ATRNL1: variants seen among roughly 807,000 people sequenced by gnomAD.
ATRNL1 encodes attractin-like protein 1.
A neutral mutation model predicts 182.7 loss-of-function variants in ATRNL1; 95 were observed. The ratio of observed to expected loss-of-function variants is 0.52; its 90% confidence interval spans 0.44 to 0.62. The LOEUF is 0.62. Ranked by LOEUF, ATRNL1 falls within the 20% of genes least tolerant of loss-of-function variation. The pLI is 0.00. For synonymous variants in ATRNL1, 576 were observed against 568.3 expected, an observed-to-expected ratio of 1.01 and a Z score of -0.19; for missense variants, 1,471 against 1,679.5, an observed-to-expected ratio of 0.88 and a Z score of 2.17.
chr10:115,604,367 C>T (rs11197342), intron 26 of ATRNL1, among the ~76,000 whole-genome samples: 74,972 of 151,796 alleles, frequency 0.49, 19,430 homozygotes, highest in African/African-American at 0.6. Context: ...ATATCCTTTT[C>T]GAGTTTTCTA....
At chr10:115,517,155 A>C (rs1262226973) in intron 24 of ATRNL1, among the ~76,000 whole-genome samples, 57 of 151,942 alleles carry the variant, frequency 3.8e-4, no homozygotes, top group Non-Finnish European at 7.4e-5. Context: ...TATGCATGTT[A>C]ATAATTTCTT....
intron 27 of ATRNL1, among the ~76,000 whole-genome samples, chr10:115,793,668 G>T (rs1178031162): frequency 6.6e-6 from 1 of 152,100 alleles, no homozygotes; most frequent in Non-Finnish European, 1.5e-5. Context: ...GTTGGCAATT[G>T]ATTCATTCAT....
chr10:115,223,907 G>A (rs1239020356), intron 9 of ATRNL1, among the ~76,000 whole-genome samples: 2 of 61,182 alleles, frequency 3.3e-5, no homozygotes, highest in South Asian at 9.4e-4. Context: ...GTGTGTGTGT[G>A]TGTGTGTATA....
At chr10:115,820,795 C>A (rs1213007141) in intron 27 of ATRNL1, among the ~76,000 whole-genome samples, 1 of 152,094 alleles carries the variant, frequency 6.6e-6, no homozygotes, top group Admixed American at 6.6e-5. Flanking sequence ...CTTTGTGCCT[C>A]AATTTCCTCA....
At chr10:115,645,056 A>G (rs1436761361) in intron 26 of ATRNL1, among the ~76,000 whole-genome samples, 2 of 152,130 alleles carry the variant, frequency 1.3e-5, no homozygotes, top group African/African-American at 2.4e-5. Flanking sequence ...TTATCAAGAT[A>G]CCAAGATTTT....
chr10:115,839,137 T>A (rs750577949), intron 27 of ATRNL1, among the ~76,000 whole-genome samples: 47 of 152,184 alleles, frequency 3.1e-4, no homozygotes, highest in South Asian at 6.2e-4. Flanking sequence ...GATTTACTTT[T>A]ATGATTGAAG....
intron 27 of ATRNL1, among the ~76,000 whole-genome samples, chr10:115,761,277 T>C (rs929725442): frequency 6.6e-6 from 1 of 152,206 alleles, no homozygotes; most frequent in African/African-American, 2.4e-5. Context: ...AATTACACTT[T>C]GTAAGTTTGC....
chr10:115,516,311 C>G (rs575518446), intron 24 of ATRNL1, among the ~76,000 whole-genome samples: 41 of 151,774 alleles, frequency 2.7e-4, no homozygotes, highest in African/African-American at 8.2e-4. Context: ...CTTCATTCAC[C>G]TGTCATATCT....
chr10:115,687,410 T>G (rs145776704), intron 26 of ATRNL1, among the ~76,000 whole-genome samples: 1 of 152,260 alleles, frequency 6.6e-6, no homozygotes, highest in Non-Finnish European at 1.5e-5. Context: ...CATAATGTCC[T>G]CTGGGTACAC....
chr10:115,399,449 G>A (rs12248297), intron 20 of ATRNL1, among the ~76,000 whole-genome samples: 1,985 of 151,998 alleles, frequency 0.013, 39 homozygotes, highest in African/African-American at 0.046. Flanking sequence ...TCTAGTTTAT[G>A]TGCATGGAGG....
chr10:115,397,526 T>G (rs1554955938), intron 20 of ATRNL1, among the ~76,000 whole-genome samples: 1 of 151,978 alleles, frequency 6.6e-6, no homozygotes, highest in African/African-American at 2.4e-5. Context: ...TACCACAATG[T>G]AAGTGTTCAA....
chr10:115,432,268 A>C (rs1037710826), intron 21 of ATRNL1, among the ~76,000 whole-genome samples: 24 of 152,124 alleles, frequency 1.6e-4, no homozygotes, highest in African/African-American at 5.8e-4. Context: ...TTTTAATTCA[A>C]ATCAGTTACT....
chr10:115,445,845 AAAAT>A (rs1846960732), intron 21 of ATRNL1, among the ~76,000 whole-genome samples: 1 of 152,212 alleles, frequency 6.6e-6, no homozygotes, highest in Non-Finnish European at 1.5e-5. Flanking sequence ...TGGACATAAC[AAAAT>A]AAATCAGTCT....
intron 27 of ATRNL1, among the ~76,000 whole-genome samples, chr10:115,794,274 G>T (rs1465542778): frequency 1.3e-5 from 2 of 152,004 alleles, no homozygotes; most frequent in Non-Finnish European, 2.9e-5. Flanking sequence ...AGAGTAATTT[G>T]CCACCTGACA....
At chr10:115,825,934 TG>T (rs1368612111) in intron 27 of ATRNL1, among the ~76,000 whole-genome samples, 1 of 152,142 alleles carries the variant, frequency 6.6e-6, no homozygotes, top group Middle Eastern at 3.2e-3. Flanking sequence ...CCTAGCGCAA[TG>T]GTGCACTGCT....
intron 20 of ATRNL1, among the ~76,000 whole-genome samples, chr10:115,400,584 T>G (rs1165778631): frequency 6.6e-6 from 1 of 152,172 alleles, no homozygotes; most frequent in Non-Finnish European, 1.5e-5. Flanking sequence ...CTTAAGTCTC[T>G]TTGAAGATCT....
At chr10:115,125,299 CAG>C (rs1296643044) in intron 3 of ATRNL1, among the ~76,000 whole-genome samples, 1 of 152,130 alleles carries the variant, frequency 6.6e-6, no homozygotes, top group Non-Finnish European at 1.5e-5. Context: ...AATTGAGACA[CAG>C]AGATTTTCTG....
At chr10:115,177,563 A>T (rs1301002351) in intron 8 of ATRNL1, among the ~76,000 whole-genome samples, 2 of 152,100 alleles carry the variant, frequency 1.3e-5, no homozygotes, top group African/African-American at 2.4e-5. Context: ...TAATCTCTGA[A>T]ATTTTCTTTA....
intron 21 of ATRNL1, among the ~76,000 whole-genome samples, chr10:115,442,063 C>A (rs1846709410): frequency 6.6e-6 from 1 of 152,042 alleles, no homozygotes; most frequent in African/African-American, 2.4e-5. Flanking sequence ...TTTCTTCAGA[C>A]ATTCTCCAAT....
Sources: allele counts gnomAD v4.1 joint callset (sites outside exome capture counted in the v4.1 genomes callset), GRCh38; gene constraint gnomAD v4.1.1; transcripts MANE v1.5; gene names NCBI Gene and HGNC (gene_info 2026-07-23, HGNC 2026-07-21).